RPF1: variants seen among roughly 807,000 people sequenced by gnomAD.
RPF1 encodes ribosome production factor 1 homolog, also known as ribosome production factor 1.
Under a neutral mutation model 41.9 loss-of-function variants are expected in RPF1, and 34 were observed. The ratio of observed to expected loss-of-function variants is 0.81; its 90% CI spans 0.62 to 1.08. The LOEUF (loss-of-function observed/expected upper bound fraction) is 1.08. Ranked by LOEUF, RPF1 falls within the 50% of genes least tolerant of loss-of-function variation. The pLI is 0.00. For synonymous variants in RPF1, 140 were observed against 148.9 expected (o/e 0.94, Z 0.43); for missense variants, 425 against 435.2 (o/e 0.98, Z 0.21).
At chr1:84,490,728 G>C (rs1334525593) in intron 5 of RPF1, among the ~76,000 whole-genome samples, 1 of 152,156 alleles carries the variant, frequency 6.6e-6, no homozygotes, top group Non-Finnish European at 1.5e-5. Context: ...AGACAACCAG[G>C]AAATTCATAG....
intron 2 of RPF1, among the ~76,000 whole-genome samples, chr1:84,481,744 G>A (rs1681654791): frequency 1.3e-5 from 2 of 152,168 alleles, no homozygotes; most frequent in South Asian, 4.1e-4. Context: ...TATTTTCAGT[G>A]TATTTATAGT....
intron 5 of RPF1, among the ~76,000 whole-genome samples, chr1:84,494,620 TGAA>T (rs1681895991): frequency 6.6e-6 from 1 of 152,162 alleles, no homozygotes; most frequent in Admixed American, 6.5e-5. Flanking sequence ...GCCACAAACT[TGAA>T]GAATATTATA....
At chr1:84,479,571 CG>C in intron 1 of RPF1, 62 bp downstream of exon 1, 1 of 1,488,314 alleles carries the variant, frequency 6.7e-7, no homozygotes, top group Admixed American at 1.8e-5. Context: ...AGGGCGGTCG[CG>C]GGGCGCACAT....
chr1:84,496,845 A>C (rs958417393), intron 8 of RPF1, among the ~76,000 whole-genome samples: 2 of 152,148 alleles, frequency 1.3e-5, no homozygotes, highest in African/African-American at 4.8e-5. Context: ...CATCATCTTA[A>C]ATCATAAATG....
intron 4 of RPF1, 56 bp downstream of exon 4, chr1:84,489,784 T>G (rs907946868): frequency 1.0e-6 from 1 of 986,002 alleles, no homozygotes. Flanking sequence ...TTACTTCTAT[T>G]TAAAGTACTC....
intron 5 of RPF1, among the ~76,000 whole-genome samples, chr1:84,494,012 G>T (rs901558977): frequency 3.3e-5 from 5 of 152,142 alleles, no homozygotes; most frequent in African/African-American, 1.2e-4. Context: ...GACTGTGAAG[G>T]TATCTAGTTT....
At chr1:84,485,862 G>A (rs1681725640) in intron 3 of RPF1, among the ~76,000 whole-genome samples, 1 of 152,066 alleles carries the variant, frequency 6.6e-6, no homozygotes, top group South Asian at 2.1e-4. Context: ...GTTTTAATTT[G>A]CAGTTCTCAT....
At chr1:84,490,577 A>AT (rs1247499024) in intron 5 of RPF1, 105 bp downstream of exon 5, 5 of 826,512 alleles carry the variant, frequency 6.0e-6, no homozygotes, top group African/African-American at 3.6e-5. Flanking sequence ...TCAGAAAATA[A>AT]TTTTTTTATC....
intron 5 of RPF1, 140 bp from the exon 6 acceptor site, chr1:84,495,233 G>C: frequency 1.7e-6 from 1 of 580,368 alleles, no homozygotes; most frequent in Non-Finnish European, 3.0e-6. Flanking sequence ...GTAGGAAAAT[G>C]TCACTTCAGA....
At chr1:84,496,708 A>G (rs1431730357) in intron 8 of RPF1, among the ~76,000 whole-genome samples, 1 of 152,220 alleles carries the variant, frequency 6.6e-6, no homozygotes, top group Non-Finnish European at 1.5e-5. Context: ...TTTGGCCCAC[A>G]GACCTACTCG....
At chr1:84,486,609 A>AAG (rs1681744761) in intron 3 of RPF1, among the ~76,000 whole-genome samples, 1 of 150,754 alleles carries the variant, frequency 6.6e-6, no homozygotes, top group South Asian at 2.1e-4. Flanking sequence ...AAAAAAAAAA[A>AAG]GAATAGGAAA....
chr1:84,485,427 A>G (rs904772644), intron 3 of RPF1, among the ~76,000 whole-genome samples: 7 of 152,150 alleles, frequency 4.6e-5, no homozygotes, highest in South Asian at 2.1e-4. Flanking sequence ...AATATTTTTA[A>G]TGATTTTGTG....
intron 5 of RPF1, among the ~76,000 whole-genome samples, chr1:84,494,816 G>C (rs1681898821): frequency 6.6e-6 from 1 of 152,086 alleles, no homozygotes; most frequent in Non-Finnish European, 1.5e-5. Context: ...TATAATTTGG[G>C]GTACAGTAAT....
chr1:84,483,034 T>G, intron 3 of RPF1, 39 bp downstream of exon 3: 1 of 1,220,216 alleles, frequency 8.2e-7, no homozygotes, highest in South Asian at 1.2e-5. Context: ...AATGATCACA[T>G]ATAATTGATA....
At chr1:84,497,322 T>C (rs1466790484) in intron 8 of RPF1, 107 bp from the exon 9 acceptor site, 19 of 846,504 alleles carry the variant, frequency 2.2e-5, no homozygotes, top group Non-Finnish European at 7.6e-6. Flanking sequence ...TCAGCACTAG[T>C]GTTACTTATG....
At chr1:84,486,218 A>C (rs1453357981) in intron 3 of RPF1, among the ~76,000 whole-genome samples, 5 of 152,306 alleles carry the variant, frequency 3.3e-5, no homozygotes, top group African/African-American at 1.2e-4. Flanking sequence ...AGACCAGATC[A>C]GTGACTTTGT....
chr1:84,482,866 T>C (rs1182925570), intron 2 of RPF1, 49 bp from the exon 3 acceptor site: 2 of 1,144,714 alleles, frequency 1.7e-6, no homozygotes, highest in East Asian at 2.3e-5. Context: ...AACAGTAATA[T>C]AATTAATGTA....
intron 3 of RPF1, among the ~76,000 whole-genome samples, chr1:84,484,170 G>T (rs1466232985): frequency 2.0e-5 from 3 of 152,192 alleles, no homozygotes; most frequent in African/African-American, 7.2e-5. Flanking sequence ...GTTTGTGTGT[G>T]TATGCATTTT....
intron 2 of RPF1, 50 bp from the exon 3 acceptor site, chr1:84,482,865 A>G (rs1681674950): frequency 8.8e-7 from 1 of 1,140,662 alleles, no homozygotes. Context: ...CAACAGTAAT[A>G]TAATTAATGT....
Sources: allele counts gnomAD v4.1 joint callset (sites outside exome capture counted in the v4.1 genomes callset), GRCh38; gene constraint gnomAD v4.1.1; transcripts MANE v1.5; gene names NCBI Gene and HGNC (gene_info 2026-07-23, HGNC 2026-07-21).